Variants in MSRA observed in about 807,000 individuals in gnomAD.
The protein encoded by MSRA is methionine sulfoxide reductase A.
MSRA carries 54 observed loss-of-function variants against 31.3 expected under a neutral mutation model. That is an observed-to-expected ratio of 1.73 (90% CI 1.39 to 2.17). MSRA has a LOEUF of 2.17. Among genes scored for constraint, MSRA ranks in the 30% most tolerant of loss-of-function variants. The pLI is 0.00. For synonymous variants in MSRA, 169 were observed against 116.5 expected (o/e 1.45, Z -2.90); for missense variants, 507 against 300.9 (o/e 1.69, Z -5.07).
chr8:10,182,887 A>C (rs1053778247), intron 1 of MSRA, among the ~76,000 whole-genome samples: 19 of 152,184 alleles, frequency 1.2e-4, no homozygotes, highest in African/African-American at 4.1e-4. Flanking sequence ...GTGAGAAGCA[A>C]GTTACTCAAG....
At chr8:10,409,638 G>C (rs1808035304) in intron 5 of MSRA, among the ~76,000 whole-genome samples, 1 of 151,956 alleles carries the variant, frequency 6.6e-6, no homozygotes, top group African/African-American at 2.4e-5. Flanking sequence ...GGGGAGCCTG[G>C]TACAGGGTGA....
intron 2 of MSRA, among the ~76,000 whole-genome samples, chr8:10,210,055 T>C (rs759674079): frequency 3.3e-5 from 5 of 152,144 alleles, no homozygotes; most frequent in Non-Finnish European, 5.9e-5. Context: ...CGCCCTGGGC[T>C]AGGGTAGAGT....
rs534318833 is a variant in MSRA, at chr8:10,313,467, T to TA, written c.437-6403dup. On this transcript the variant is annotated intron_variant, in intron 4 of 5. Coordinates refer to ENST00000317173, the MANE Select transcript of MSRA (RefSeq NM_012331.5). The stretch of plus-strand genomic sequence containing the variant: ...TGAAGTGGAGTGCTACCAAAAAATC[T>TA]AAAAAAAAAAAAACAAAAAACAAAC... Among the ~76,000 whole-genome samples the TA allele has an allele frequency of 4.6e-3, 596 of 129,772 alleles. 1 individual carries two copies. The highest frequency in any genetic ancestry group is 8.8e-3 in the African/African-American group (312 of 35,460). 85.1% of individuals were successfully genotyped at this position (129,772 alleles called of 152,430 possible). A position where few individuals can be genotyped will look rare whatever the true frequency, so the allele number is the denominator to read the frequency against.
chr8:10,222,728 G>A (rs1221503190), intron 2 of MSRA, among the ~76,000 whole-genome samples: 7 of 152,150 alleles, frequency 4.6e-5, no homozygotes, highest in Admixed American at 4.6e-4. Flanking sequence ...AATGAAATAA[G>A]CCAGGCATAG....
chr8:10,140,443 T>A (rs572326117), intron 1 of MSRA, among the ~76,000 whole-genome samples: 1 of 152,250 alleles, frequency 6.6e-6, no homozygotes, highest in African/African-American at 2.4e-5. Flanking sequence ...TTATTTTTGA[T>A]TGGTTTTCAC....
chr8:10,386,838 C>G (rs1585648933), intron 5 of MSRA, among the ~76,000 whole-genome samples: 1 of 150,370 alleles, frequency 6.7e-6, no homozygotes, highest in South Asian at 2.1e-4. Flanking sequence ...GGATTCGAAC[C>G]CTTTGAGGAG....
At chr8:10,285,100 C>A (rs1304750134) in intron 3 of MSRA, among the ~76,000 whole-genome samples, 2 of 151,712 alleles carry the variant, frequency 1.3e-5, no homozygotes, top group Non-Finnish European at 2.9e-5. Context: ...TATTGTTCAG[C>A]AGTATGGAGC....
chr8:10,091,327 A>G (rs947391135), intron 1 of MSRA, among the ~76,000 whole-genome samples: 1 of 152,252 alleles, frequency 6.6e-6, no homozygotes, highest in East Asian at 1.9e-4. Flanking sequence ...ATATGTATAC[A>G]TTATAGAATA....
chr8:10,078,928 G>C (rs1436687601), intron 1 of MSRA, among the ~76,000 whole-genome samples: 1 of 152,212 alleles, frequency 6.6e-6, no homozygotes. Context: ...CACATTTGGA[G>C]CCAGTGGTCC....
At chr8:10,169,641 A>G (rs1160022358) in intron 1 of MSRA, among the ~76,000 whole-genome samples, 1 of 152,228 alleles carries the variant, frequency 6.6e-6, no homozygotes, top group African/African-American at 2.4e-5. Flanking sequence ...TGAAAATGTT[A>G]TTCAAAAACA....
intron 1 of MSRA, among the ~76,000 whole-genome samples, chr8:10,175,380 C>T (rs1204328139): frequency 6.6e-6 from 1 of 152,242 alleles, no homozygotes; most frequent in Non-Finnish European, 1.5e-5. Context: ...CCTGTTGGAA[C>T]ATACGCTGTT....
At chr8:10,267,315 T>C (rs1301032400) in intron 3 of MSRA, among the ~76,000 whole-genome samples, 1 of 152,186 alleles carries the variant, frequency 6.6e-6, no homozygotes, top group Non-Finnish European at 1.5e-5. Flanking sequence ...TGGGTTCTTA[T>C]TGTGCAGACA....
chr8:10,264,659 A>C (rs906154546), intron 3 of MSRA, among the ~76,000 whole-genome samples: 4 of 152,120 alleles, frequency 2.6e-5, no homozygotes, highest in African/African-American at 9.7e-5. Context: ...GGGGGTCCCA[A>C]GGTGAGGAAG....
At chr8:10,227,989 A>G (rs1328238596) in intron 2 of MSRA, among the ~76,000 whole-genome samples, 1 of 152,188 alleles carries the variant, frequency 6.6e-6, no homozygotes, top group African/African-American at 2.4e-5. Context: ...CTAGCATCGT[A>G]GAGCTGAAAT....
chr8:10,186,213 T>C (rs1364774825), intron 1 of MSRA, among the ~76,000 whole-genome samples: 1 of 152,144 alleles, frequency 6.6e-6, no homozygotes, highest in Non-Finnish European at 1.5e-5. Flanking sequence ...GTAACCTCAC[T>C]TTGCCATCCT....
At chr8:10,244,945 A>G (rs1203375666) in intron 2 of MSRA, among the ~76,000 whole-genome samples, 159 bp from the exon 3 acceptor site, 1 of 151,982 alleles carries the variant, frequency 6.6e-6, no homozygotes, top group Non-Finnish European at 1.5e-5. Context: ...AATGTTAAGA[A>G]CTCTCCTTCT....
intron 1 of MSRA, among the ~76,000 whole-genome samples, chr8:10,171,801 C>T (rs1805612643): frequency 6.6e-6 from 1 of 152,182 alleles, no homozygotes; most frequent in Non-Finnish European, 1.5e-5. Context: ...ATTGTAATAG[C>T]ATTCTAATAA....
At chr8:10,330,206 T>TACACAC (rs58184031) in intron 5 of MSRA, among the ~76,000 whole-genome samples, 17,818 of 148,054 alleles carry the variant, frequency 0.12, 1,327 homozygotes, top group Admixed American at 0.16. Context: ...AAATGTGATA[T>TACACAC]ACACACACAC....
intron 5 of MSRA, among the ~76,000 whole-genome samples, chr8:10,421,187 C>A (rs1182430716): frequency 6.6e-6 from 1 of 152,174 alleles, no homozygotes; most frequent in Admixed American, 6.5e-5. Context: ...GTCTAGCCAC[C>A]TGTGGGAGTA....
Sources: gnomAD v4.1 joint callset for allele counts (sites outside exome capture counted in the v4.1 genomes callset) on GRCh38, gnomAD v4.1.1 for gene constraint, MANE v1.5 for transcripts, NCBI Gene and HGNC (gene_info 2026-07-23, HGNC 2026-07-21) for gene names.